STAG1: variants seen among roughly 807,000 people sequenced by gnomAD.
STAG1 encodes STAG1 cohesin complex component.
STAG1 carries 26 observed loss-of-function variants against 170.9 expected under a neutral mutation model. The observed-to-expected ratio is 0.15, with a 90% CI of 0.11 to 0.21. STAG1 has a LOEUF of 0.21. STAG1 is among the 10% of genes least tolerant of loss of function. STAG1 has a pLI of 1.00. For missense variants in STAG1, 964 were observed against 1,509.5 expected (o/e 0.64, Z 5.99); for synonymous variants, 514 against 497.7 (o/e 1.03, Z -0.44).
At chr3:136,617,941 T>C (rs545967746) in intron 3 of STAG1, among the ~76,000 whole-genome samples, 1 of 152,350 alleles carries the variant, frequency 6.6e-6, no homozygotes, top group South Asian at 2.1e-4. Flanking sequence ...ACCTGTTAAC[T>C]TACCCTTCTG....
intron 12 of STAG1, among the ~76,000 whole-genome samples, chr3:136,468,290 A>C (rs892575863): frequency 6.2e-4 from 95 of 152,324 alleles, no homozygotes; most frequent in African/African-American, 2.2e-3. Flanking sequence ...AGAGAGAAGA[A>C]TCAAATAGAC....
At chr3:136,540,797 G>A (rs1013375313) in intron 6 of STAG1, among the ~76,000 whole-genome samples, 3 of 106,700 alleles carry the variant, frequency 2.8e-5, no homozygotes, top group South Asian at 3.3e-4. Flanking sequence ...GCTCCAGTCT[G>A]GGCGACAGAG....
At chr3:136,429,090 T>G (rs2088216908) in intron 16 of STAG1, among the ~76,000 whole-genome samples, 1 of 152,018 alleles carries the variant, frequency 6.6e-6, no homozygotes, top group Admixed American at 6.6e-5. Context: ...TAAGCCCAGA[T>G]AGCATCATTG....
rs1936354136 is a variant in STAG1 at position 136,550,903 on chromosome 3, G to A, written c.395-8708C>T. Reference sequence around the variant, plus strand: ...GTTAGACAGGGTTTATGGATTTTTGGAAGGAAAGTAAAGAGAGAAATTGCC... The same window carrying A: ...GTTAGACAGGGTTTATGGATTTTTGAAAGGAAAGTAAAGAGAGAAATTGCC... On this transcript the variant is annotated intron_variant, in intron 5 of 33. Coordinates refer to ENST00000383202, the MANE Select transcript of STAG1 (RefSeq NM_005862.3). Among the ~76,000 whole-genome samples, 3 of 152,196 alleles carry A rather than the reference G, an allele frequency of 2.0e-5. No individual in the cohort carries two copies. In the South Asian group the frequency reaches 6.2e-4, roughly 32 times the overall value.
Position 136,668,125 on chromosome 3 carries a change from C to T in STAG1, c.-83-37144G>A, listed in dbSNP as rs145854661. 2.1e-3 allele frequency among the ~76,000 whole-genome samples: 317 copies of T among 151,698 alleles called. 1 individual carries two copies. The highest frequency in any genetic ancestry group is 7.1e-3 in the African/African-American group (295 of 41,364). On this transcript the variant is annotated intron_variant, in intron 1 of 33. Transcript: ENST00000383202. ...CATGTGCCTGTAATCCCAGCTATGT[C>T]GAGAGGCTGAAGCACAAGAATTGCT...
intron 3 of STAG1, among the ~76,000 whole-genome samples, chr3:136,611,908 C>A (rs1282538061): frequency 6.6e-6 from 1 of 151,636 alleles, no homozygotes; most frequent in African/African-American, 2.4e-5. Context: ...AGTGCAGTGG[C>A]GCGATCTCGG....
intron 21 of STAG1, among the ~76,000 whole-genome samples, chr3:136,404,677 T>C (rs983287124): frequency 1.3e-5 from 2 of 152,230 alleles, no homozygotes; most frequent in Admixed American, 6.5e-5. Flanking sequence ...TATCTCTGAC[T>C]AGCTGGCTGA....
intron 1 of STAG1, chr3:136,736,490 T>G: frequency 7.5e-7 from 1 of 1,338,260 alleles, no homozygotes; most frequent in Non-Finnish European, 1.1e-6. Context: ...TGACCCCGGG[T>G]GGTCATTCAC....
chr3:136,619,067 T>C (rs1939724639), intron 3 of STAG1, among the ~76,000 whole-genome samples: 1 of 150,666 alleles, frequency 6.6e-6, no homozygotes. Flanking sequence ...AAGCAAAGAG[T>C]GGGAATATGA....
intron 1 of STAG1, chr3:136,721,267 T>C (rs755320219): frequency 1.3e-4 from 20 of 152,072 alleles, no homozygotes; most frequent in Non-Finnish European, 2.8e-4. Flanking sequence ...AAAAGGGAAA[T>C]AGAAGATTTA....
At chr3:136,472,201 T>C (rs572823860) in intron 12 of STAG1, among the ~76,000 whole-genome samples, 1 of 152,214 alleles carries the variant, frequency 6.6e-6, no homozygotes, top group Non-Finnish European at 1.5e-5. Context: ...CATAAAATAA[T>C]TTTTATGTGG....
chr3:136,397,458 T>TC (rs1484617632), intron 22 of STAG1, among the ~76,000 whole-genome samples: 1 of 151,906 alleles, frequency 6.6e-6, no homozygotes, highest in Non-Finnish European at 1.5e-5. Flanking sequence ...TTTCTTTCTT[T>TC]TTTTTTTACC....
intron 13 of STAG1, among the ~76,000 whole-genome samples, chr3:136,459,749 C>T (rs887779386): frequency 6.6e-6 from 1 of 152,106 alleles, no homozygotes; most frequent in Non-Finnish European, 1.5e-5. Context: ...TTAGACAACA[C>T]GCTCCTGAAC....
intron 1 of STAG1, among the ~76,000 whole-genome samples, chr3:136,669,852 G>A (rs112604408): frequency 5.9e-5 from 9 of 152,192 alleles, no homozygotes; most frequent in African/African-American, 1.4e-4. Flanking sequence ...GTATTTACAA[G>A]GTATAACATT....
At chr3:136,422,366 C>G in intron 19 of STAG1, 44 bp downstream of exon 19, 1 of 1,534,614 alleles carries the variant, frequency 6.5e-7, no homozygotes, top group Admixed American at 1.7e-5. Context: ...TTAAGTAATT[C>G]TCAGTCAATA....
intron 1 of STAG1, chr3:136,721,455 T>C (rs957025045): frequency 6.6e-6 from 1 of 152,252 alleles, no homozygotes. Context: ...CTAATCTCTA[T>C]ATGGTTCCCA....
chr3:136,727,072 AT>A (rs911706257), intron 1 of STAG1, among the ~76,000 whole-genome samples: 6 of 152,142 alleles, frequency 3.9e-5, no homozygotes, highest in African/African-American at 7.2e-5. Flanking sequence ...GTACCTCATT[AT>A]TATCCATCAT....
chr3:136,376,747 T>C (rs1243585980), intron 23 of STAG1, among the ~76,000 whole-genome samples: 2 of 152,090 alleles, frequency 1.3e-5, no homozygotes, highest in South Asian at 4.1e-4. Flanking sequence ...AAAGGGTATG[T>C]CATATGTCAG....
Position 136,567,609 on chromosome 3 carries a change from C to T in STAG1, c.394+1156G>A, listed in dbSNP as rs542597289. 1.3e-4 allele frequency among the ~76,000 whole-genome samples: 20 copies of T among 152,298 alleles called. No homozygotes were observed. The East Asian group carries it at 3.7e-3, about 28-fold the overall frequency. Reference sequence around the variant, plus strand: ...CAGCATCCCTTGCTTTCTTGTTATTCCCACAGTGTCTTGTGGCTGGGGACA... The same window carrying T: ...CAGCATCCCTTGCTTTCTTGTTATTTCCACAGTGTCTTGTGGCTGGGGACA... On this transcript the variant is annotated intron_variant, in intron 5 of 33. Coordinates refer to ENST00000383202, the MANE Select transcript of STAG1 (RefSeq NM_005862.3).
Sources: allele counts gnomAD v4.1 joint callset (sites outside exome capture counted in the v4.1 genomes callset), GRCh38; gene constraint gnomAD v4.1.1; transcripts MANE v1.5; gene names NCBI Gene and HGNC (gene_info 2026-07-23, HGNC 2026-07-21).